Variants in GNA12 observed in about 807,000 individuals in gnomAD.
The protein encoded by GNA12 is guanine nucleotide-binding protein subunit alpha-12.
In GNA12, 9 loss-of-function variants were observed where a neutral mutation model predicts 26.0. The observed-to-expected ratio is 0.35, with a 90% CI of 0.21 to 0.60. The LOEUF is 0.60. GNA12 is among the 20% of genes least tolerant of loss of function. GNA12 has a pLI of 0.78. For synonymous variants in GNA12, 264 were observed against 219.6 expected, an observed-to-expected ratio of 1.20 and a Z score of -1.79; for missense variants, 405 against 525.8, an observed-to-expected ratio of 0.77 and a Z score of 2.25.
chr7:2,808,235 CCAT>C (rs1792995626), intron 1 of GNA12, among the ~76,000 whole-genome samples: 2 of 152,352 alleles, frequency 1.3e-5, no homozygotes, highest in African/African-American at 4.8e-5. Context: ...TAAGCAGTGA[CCAT>C]CATGAGTAGT....
intron 1 of GNA12, among the ~76,000 whole-genome samples, chr7:2,809,922 G>A (rs1226644968): frequency 2.6e-5 from 4 of 152,092 alleles, no homozygotes; most frequent in South Asian, 2.1e-4. Flanking sequence ...TAAATTCATA[G>A]TAAAAATTTC....
chr7:2,790,737 G>T (rs1299019702), intron 2 of GNA12, among the ~76,000 whole-genome samples: 1 of 152,254 alleles, frequency 6.6e-6, no homozygotes, highest in African/African-American at 2.4e-5. Context: ...GGAAGCCCAA[G>T]GCAGGAGGAT....
intron 2 of GNA12, among the ~76,000 whole-genome samples, chr7:2,739,520 G>C (rs1322993948): frequency 6.6e-6 from 1 of 152,130 alleles, no homozygotes; most frequent in Non-Finnish European, 1.5e-5. Flanking sequence ...ATGGATATGT[G>C]GTTTGTTTTT....
intron 2 of GNA12, among the ~76,000 whole-genome samples, chr7:2,780,710 A>G (rs1032005842): frequency 6.6e-6 from 1 of 152,164 alleles, no homozygotes; most frequent in Non-Finnish European, 1.5e-5. Flanking sequence ...TGTGAGATTG[A>G]TCATATTGCT....
chr7:2,738,001 C>T (rs1406064023), intron 2 of GNA12, among the ~76,000 whole-genome samples: 1 of 152,054 alleles, frequency 6.6e-6, no homozygotes, highest in Non-Finnish European at 1.5e-5. Context: ...TTAAATGATA[C>T]CACAGCTGTG....
chr7:2,803,070 C>T (rs937513120), intron 1 of GNA12, among the ~76,000 whole-genome samples: 12 of 149,006 alleles, frequency 8.1e-5, no homozygotes, highest in Non-Finnish European at 1.6e-4. Context: ...TCACCTCAGG[C>T]AATGAAAAGT....
intron 1 of GNA12, among the ~76,000 whole-genome samples, chr7:2,809,082 C>G (rs528504578): frequency 6.6e-6 from 1 of 152,206 alleles, no homozygotes; most frequent in African/African-American, 2.4e-5. Context: ...ATCCTTCCCA[C>G]GCTCCATCCT....
Position 2,786,860 on chromosome 7 carries a change from C to T in GNA12, c.525+8068G>A, listed in dbSNP as rs17132689. 9.1e-3 allele frequency among the ~76,000 whole-genome samples: 1,385 copies of T among 152,260 alleles called. 18 individuals carry two copies. The highest frequency in any genetic ancestry group is 0.031 in the African/African-American group (1,281 of 41,540). On this transcript the variant is annotated intron_variant, in intron 2 of 3. Coordinates refer to ENST00000275364, the MANE Select transcript of GNA12 (RefSeq NM_007353.3). ...ATGCCCATCTCGAGACCTGAAGGAACGATGGGTGATGGCCTTCATGGGGAG... is the reference window on the plus strand; with the variant it reads ...ATGCCCATCTCGAGACCTGAAGGAATGATGGGTGATGGCCTTCATGGGGAG...
chr7:2,842,012 GGAGA>G (rs1305892828), intron 1 of GNA12, among the ~76,000 whole-genome samples: 2 of 145,796 alleles, frequency 1.4e-5, no homozygotes, highest in African/African-American at 5.0e-5. Context: ...AGGGAGGGAG[GGAGA>G]AAGGAAGGGA....
chr7:2,759,594 GT>G (rs1791464099), intron 2 of GNA12, among the ~76,000 whole-genome samples: 1 of 152,222 alleles, frequency 6.6e-6, no homozygotes, highest in South Asian at 2.1e-4. Context: ...CTCACATGGG[GT>G]TTATGAATTA....
At position 2,800,586 on chromosome 7, in the gene GNA12, T is replaced by A. The variant is rs183672126; in HGVS notation, c.310-5443A>T. ...TACTTATTTCAAAATAAAAAGTTTT[T>A]AAAAAGTTAACTAGCGACCACGGCA... is the stretch of plus-strand genomic sequence containing the variant. On this transcript the variant is annotated intron_variant, in intron 1 of 3. Coordinates refer to ENST00000275364, the MANE Select transcript of GNA12 (RefSeq NM_007353.3). 1.3e-3 allele frequency among the ~76,000 whole-genome samples: 199 copies of A among 152,350 alleles called. 2 individuals are homozygous for A. Among genetic ancestry groups the A allele is most frequent in the African/African-American group, 4.4e-3 (185 of 41,586 alleles).
chr7:2,739,025 T>C (rs1036951933), intron 2 of GNA12, among the ~76,000 whole-genome samples: 5 of 152,186 alleles, frequency 3.3e-5, no homozygotes, highest in African/African-American at 1.2e-4. Context: ...CACAGGGTCC[T>C]TGGCCGTGGA....
chr7:2,807,112 G>A (rs1049974189), intron 1 of GNA12, among the ~76,000 whole-genome samples: 1 of 152,062 alleles, frequency 6.6e-6, no homozygotes, highest in Non-Finnish European at 1.5e-5. Context: ...TATCTAAGCA[G>A]TCATGACCTC....
chr7:2,789,132 CTT>C (rs71026556), intron 2 of GNA12, among the ~76,000 whole-genome samples: 1 of 72,830 alleles, frequency 1.4e-5, no homozygotes, highest in South Asian at 5.5e-4. Context: ...CTTCAGGCAT[CTT>C]TTTTTTTTTT....
At chr7:2,809,251 T>C (rs1235788364) in intron 1 of GNA12, among the ~76,000 whole-genome samples, 1 of 152,094 alleles carries the variant, frequency 6.6e-6, no homozygotes, top group African/African-American at 2.4e-5. Flanking sequence ...GCAGAGGCTC[T>C]ACCTGTTGGC....
rs535803624 is a variant in GNA12 at position 2,741,223 on chromosome 7, C to T, written c.526-7722G>A. ...AGCACCTAGACTAGGTGTGGCGGCA[C>T]GCACACCTGTGGTCTCAGCTACCTG... is the stretch of plus-strand genomic sequence containing the variant. On this transcript the variant is annotated intron_variant, in intron 2 of 3. Transcript: ENST00000275364. 1.3e-4 allele frequency among the ~76,000 whole-genome samples: 20 copies of T among 152,220 alleles called. No homozygotes were observed. In the South Asian group the frequency reaches 1.5e-3, roughly 11 times the overall value.
At chr7:2,831,577 G>C (rs545688707) in intron 1 of GNA12, among the ~76,000 whole-genome samples, 2 of 151,794 alleles carry the variant, frequency 1.3e-5, no homozygotes, top group Admixed American at 1.3e-4. Flanking sequence ...TTATTTTTTT[G>C]TATTTTTAGT....
intron 2 of GNA12, among the ~76,000 whole-genome samples, chr7:2,787,729 G>A (rs1455615721): frequency 6.6e-6 from 1 of 152,240 alleles, no homozygotes; most frequent in Non-Finnish European, 1.5e-5. Context: ...GAGAGGCCGG[G>A]GGTAAGTGTC....
chr7:2,737,698 A>G (rs1790278605), intron 2 of GNA12, among the ~76,000 whole-genome samples: 1 of 152,210 alleles, frequency 6.6e-6, no homozygotes, highest in Non-Finnish European at 1.5e-5. Context: ...GAGGATTCCA[A>G]AATCTAGTTC....
Sources: allele counts gnomAD v4.1 joint callset (sites outside exome capture counted in the v4.1 genomes callset), GRCh38; gene constraint gnomAD v4.1.1; transcripts MANE v1.5; gene names NCBI Gene and HGNC (gene_info 2026-07-23, HGNC 2026-07-21).